Variants in ABCA13 observed in about 807,000 individuals in gnomAD.
ABCA13 encodes the protein ATP-binding cassette sub-family A member 13.
Under a neutral mutation model 478.7 loss-of-function variants are expected in ABCA13, and 476 were observed. The ratio of observed to expected loss-of-function variants is 0.99; its 90% CI spans 0.92 to 1.07. ABCA13 has a LOEUF of 1.07. Among genes scored for constraint, ABCA13 ranks in the 50% least tolerant of loss-of-function variants. The pLI is 0.00. For synonymous variants in ABCA13, 2,252 were observed against 2,158.9 expected, an observed-to-expected ratio of 1.04 and a Z score of -1.20; for missense variants, 6,060 against 5,910.6, an observed-to-expected ratio of 1.03 and a Z score of -0.83.
At chr7:48,403,149 T>C (rs1409942061) in intron 38 of ABCA13, among the ~76,000 whole-genome samples, 1 of 152,224 alleles carries the variant, frequency 6.6e-6, no homozygotes, top group African/African-American at 2.4e-5. Context: ...GTTCTTACAT[T>C]AATAGCAAAT....
chr7:48,597,842 A>C (rs1411678865), intron 58 of ABCA13, among the ~76,000 whole-genome samples: 1 of 152,190 alleles, frequency 6.6e-6, no homozygotes, highest in African/African-American at 2.4e-5. Flanking sequence ...AAGGTACAGA[A>C]ATTTTTTAAA....
In ABCA13 at chr7:48,175,187, G is replaced by T. The variant is rs1042102650; in HGVS notation, c.69+3635G>T. Among the ~76,000 whole-genome samples the T allele has an allele frequency of 3.3e-5, 5 of 151,936 alleles. No homozygotes were observed. The East Asian group carries it at 5.8e-4, about 18-fold the overall frequency. On this transcript the variant is annotated intron_variant, in intron 1 of 61. Coordinates refer to ENST00000435803, the MANE Select transcript of ABCA13 (RefSeq NM_152701.5). The stretch of plus-strand genomic sequence containing the variant: ...TTAATTTCTACATTTTATTCTAACT[G>T]TAAATCAGTCTAATTAATTACTTAT...
chr7:48,247,681 C>T lies in ABCA13; in HGVS notation c.1660-558C>T, dbSNP rs909637754. ...TACTGAGACGAGGGCCTCTCATCCT[C>T]CTCTCAGACTCAAGATGTCTCTTCT... On this transcript the variant is annotated intron_variant, in intron 13 of 61. Coordinates refer to ENST00000435803, the MANE Select transcript of ABCA13 (RefSeq NM_152701.5). Among the ~76,000 whole-genome samples the T allele has an allele frequency of 2.6e-5, 4 of 152,100 alleles. 1 individual carries two copies. Among genetic ancestry groups the T allele is most frequent in the African/African-American group, 9.7e-5 (4 of 41,428 alleles).
chr7:48,624,963 G>C (rs1193756231), intron 59 of ABCA13, among the ~76,000 whole-genome samples: 1 of 152,026 alleles, frequency 6.6e-6, no homozygotes, highest in African/African-American at 2.4e-5. Flanking sequence ...ACATTTCCTT[G>C]AGTTATCAAC....
chr7:48,272,745 G>A lies in ABCA13; in HGVS notation c.3079G>A (p.Val1027Ile), dbSNP rs1795788065. ...TAEVLGGISN[V>I]SYCQQLLSIF... ...AGAGGTTCTTGGGGGAATTTCTAATGTATCTTACTGTCAGCAATTGCTTTC... is the reference window on the plus strand; with the variant it reads ...AGAGGTTCTTGGGGGAATTTCTAATATATCTTACTGTCAGCAATTGCTTTC... Residue 1027 changes from valine (V) to isoleucine (I), a missense_variant, in exon 17 of 62, where the codon GTA becomes ATA. By Grantham distance (29) the Val-to-Ile change is conservative. This residue lies in a region of ABCA13 where 4,423 missense variants were observed against 4,309.1 expected (regional missense o/e 1.03). Transcript: ENST00000435803. 1 of 1,608,778 alleles carries A rather than the reference G, an allele frequency of 6.2e-7. No homozygotes were observed. Among genetic ancestry groups the A allele is most frequent in the Non-Finnish European group, 8.5e-7 (1 of 1,176,906 alleles).
At chr7:48,247,950 G>A (rs1203139819) in intron 13 of ABCA13, among the ~76,000 whole-genome samples, 2 of 152,154 alleles carry the variant, frequency 1.3e-5, no homozygotes, top group African/African-American at 4.8e-5. Flanking sequence ...CAGGGGGTCT[G>A]GTTCACAGGC....
chr7:48,557,106 GCTT>G (rs950701638), intron 55 of ABCA13, among the ~76,000 whole-genome samples: 20 of 151,904 alleles, frequency 1.3e-4, no homozygotes, highest in Admixed American at 8.5e-4. Flanking sequence ...TTGTCCTCCA[GCTT>G]CTTAACTTTT....
At chr7:48,242,747 C>T (rs1353005147) in intron 10 of ABCA13, among the ~76,000 whole-genome samples, 1 of 152,170 alleles carries the variant, frequency 6.6e-6, no homozygotes, top group Admixed American at 6.5e-5. Context: ...CCACCTTCAG[C>T]CTTATTTAAA....
At chr7:48,512,627 A>T (rs897964884) in intron 51 of ABCA13, among the ~76,000 whole-genome samples, 12 of 152,224 alleles carry the variant, frequency 7.9e-5, no homozygotes, top group Non-Finnish European at 1.5e-4. Context: ...ATTTTAGGAG[A>T]GTATATCTCA....
intron 55 of ABCA13, among the ~76,000 whole-genome samples, chr7:48,541,468 G>A (rs957400060): frequency 2.0e-5 from 3 of 151,958 alleles, no homozygotes; most frequent in Non-Finnish European, 4.4e-5. Context: ...TTACATTCTA[G>A]ATCTTATTTG....
chr7:48,438,537 G>T (rs777499383), intron 42 of ABCA13, among the ~76,000 whole-genome samples: 1 of 149,644 alleles, frequency 6.7e-6, no homozygotes, highest in Non-Finnish European at 1.5e-5. Context: ...GCTTTTTGAC[G>T]TTTGAGCAGA....
chr7:48,307,100 A>G (rs1801013330), intron 23 of ABCA13, among the ~76,000 whole-genome samples: 1 of 152,102 alleles, frequency 6.6e-6, no homozygotes, highest in African/African-American at 2.4e-5. Context: ...GCATGAGCCA[A>G]TTCCTTAAAA....
chr7:48,456,624 T>C (rs1825703028), intron 43 of ABCA13, among the ~76,000 whole-genome samples: 1 of 152,204 alleles, frequency 6.6e-6, no homozygotes, highest in African/African-American at 2.4e-5. Context: ...ACTGTAATAC[T>C]CTCTGTAACT....
At chr7:48,507,829 G>A in intron 49 of ABCA13, 43 bp from the exon 50 acceptor site, 1 of 1,534,402 alleles carries the variant, frequency 6.5e-7, no homozygotes. Context: ...GAAGGCTTGT[G>A]TTCTTCGTCA....
intron 51 of ABCA13, 87 bp from the exon 52 acceptor site, chr7:48,516,638 C>T (rs982808791): frequency 5.1e-6 from 7 of 1,360,886 alleles, no homozygotes; most frequent in Non-Finnish European, 7.2e-6. Context: ...AGGGATTCAC[C>T]CCAAGGTCTT....
intron 35 of ABCA13, among the ~76,000 whole-genome samples, chr7:48,386,998 T>C (rs924690887): frequency 1.3e-5 from 2 of 152,118 alleles, no homozygotes; most frequent in East Asian, 3.9e-4. Context: ...CCCTTTACTT[T>C]CAAAAGGTAA....
chr7:48,544,217 G>A (rs10241080), intron 55 of ABCA13, among the ~76,000 whole-genome samples: 6,520 of 151,668 alleles, frequency 0.043, 316 homozygotes, highest in Non-Finnish European at 0.059. Context: ...TGCCATAAAA[G>A]AAGAAACCAA....
intron 42 of ABCA13, 35 bp from the exon 43 acceptor site, chr7:48,455,002 T>C (rs761140817): frequency 6.8e-7 from 1 of 1,466,860 alleles, no homozygotes; most frequent in Non-Finnish European, 9.0e-7. Flanking sequence ...TCCGCAGAGC[T>C]GACCCAGCCG....
intron 59 of ABCA13, among the ~76,000 whole-genome samples, chr7:48,623,106 G>A (rs1029587008): frequency 2.6e-5 from 4 of 152,138 alleles, no homozygotes; most frequent in South Asian, 2.1e-4. Flanking sequence ...TCCCAGAGCC[G>A]TAAGCATGAA....
Sources: gnomAD v4.1 joint callset for allele counts (sites outside exome capture counted in the v4.1 genomes callset) on GRCh38, gnomAD v4.1.1 for gene constraint, gnomAD v4.1.1 regional missense constraint, MANE v1.5 for transcripts, NCBI Gene and HGNC (gene_info 2026-07-23, HGNC 2026-07-21) for gene names.